The following ITSN2 variants were observed in gnomAD, a reference collection of about 807,000 sequenced individuals.
The protein encoded by ITSN2 is intersectin 2.
In ITSN2, 156 loss-of-function variants were observed where a neutral mutation model predicts 243.7. The observed-to-expected ratio is 0.64, with a 90% confidence interval of 0.56 to 0.73. ITSN2 has a LOEUF of 0.73. ITSN2 is among the 30% of genes least tolerant of loss of function. ITSN2 has a pLI of 0.00. For missense variants in ITSN2, 1,801 were observed against 1,996.1 expected (o/e 0.90, Z 1.86); for synonymous variants, 703 against 699.9 (o/e 1.00, Z -0.07).
chr2:24,317,103 G>A (rs937988297), intron 2 of ITSN2, among the ~76,000 whole-genome samples: 1 of 152,204 alleles, frequency 6.6e-6, no homozygotes, highest in Non-Finnish European at 1.5e-5. Flanking sequence ...GGCAGTGGCC[G>A]GGCGCGGTGG....
In ITSN2 at chr2:24,204,701, T is replaced by G; in HGVS notation, c.4763-283A>C. 1 of 563,840 alleles carries G rather than the reference T, an allele frequency of 1.8e-6. No individual in the cohort carries two copies. The allele number at this position is 563,840 out of a possible 1,614,324, so 34.9% of individuals were successfully genotyped here. On this transcript the variant is annotated intron_variant, in intron 38 of 39. Coordinates refer to ENST00000355123, the MANE Select transcript of ITSN2 (RefSeq NM_006277.3). The surrounding 1 kb of genome is among the most constrained non-coding windows in gnomAD (Gnocchi z 5.1). ...AGTGTCACTGCAACCTGCTGCATGC[T>G]TCCTCGGCGCAGACACACTCGGGAA... is the stretch of plus-strand genomic sequence containing the variant.
chr2:24,290,118 C>T (rs577122257), intron 15 of ITSN2, among the ~76,000 whole-genome samples: 7 of 152,276 alleles, frequency 4.6e-5, no homozygotes, highest in South Asian at 2.1e-4. Context: ...TTAATGCACA[C>T]TTTAAATTCT....
At chr2:24,307,873 T>C (rs1574252519) in intron 8 of ITSN2, among the ~76,000 whole-genome samples, 4 of 152,362 alleles carry the variant, frequency 2.6e-5, no homozygotes, top group South Asian at 4.1e-4. Flanking sequence ...AACTTTTTCA[T>C]GGAGCTTAAA....
chr2:24,237,088 T>C (rs1672248728), intron 29 of ITSN2, among the ~76,000 whole-genome samples: 1 of 152,146 alleles, frequency 6.6e-6, no homozygotes, highest in Admixed American at 6.5e-5. Flanking sequence ...GCTAACAGCA[T>C]GGACTTGGGA....
intron 1 of ITSN2, chr2:24,330,261 C>T (rs1685624747): frequency 2.8e-6 from 1 of 359,272 alleles, no homozygotes; most frequent in South Asian, 2.3e-5. Context: ...TTCGTCATCA[C>T]GTATTCTGTG....
chr2:24,290,669 C>A (rs1240424626), intron 15 of ITSN2, among the ~76,000 whole-genome samples: 2 of 152,182 alleles, frequency 1.3e-5, no homozygotes, highest in African/African-American at 4.8e-5. Context: ...AAGAGCTCCT[C>A]TGCAACTCTT....
chr2:24,359,765 G>C (rs1688780050), intron 1 of ITSN2, among the ~76,000 whole-genome samples: 1 of 152,172 alleles, frequency 6.6e-6, no homozygotes, highest in Admixed American at 6.5e-5. Context: ...AGGAACGCGA[G>C]CGGTAGACGC....
At chr2:24,253,430 C>T (rs2151334635) in intron 24 of ITSN2, among the ~76,000 whole-genome samples, 1 of 152,350 alleles carries the variant, frequency 6.6e-6, no homozygotes, top group South Asian at 2.1e-4. Context: ...TTCCACAGTA[C>T]ACCTATGATT....
At chr2:24,288,302 C>A (rs1440703030) in intron 15 of ITSN2, among the ~76,000 whole-genome samples, 1 of 152,012 alleles carries the variant, frequency 6.6e-6, no homozygotes, top group Non-Finnish European at 1.5e-5. Flanking sequence ...TCTTGATACC[C>A]TTGTCAAAAA....
At chr2:24,350,842 C>T (rs950225820) in intron 1 of ITSN2, among the ~76,000 whole-genome samples, 5 of 152,152 alleles carry the variant, frequency 3.3e-5, no homozygotes, top group African/African-American at 7.2e-5. Flanking sequence ...CTAGAGCTAG[C>T]GGTGTTGAGG....
chr2:24,285,654 T>C (rs1679406023), intron 16 of ITSN2, among the ~76,000 whole-genome samples: 1 of 152,234 alleles, frequency 6.6e-6, no homozygotes, highest in African/African-American at 2.4e-5. Context: ...GTGAATGATA[T>C]GCAGACAGTC....
At chr2:24,339,403 G>A (rs1212440964) in intron 1 of ITSN2, among the ~76,000 whole-genome samples, 3 of 150,870 alleles carry the variant, frequency 2.0e-5, no homozygotes, top group African/African-American at 4.9e-5. Flanking sequence ...CTTGGAAGGC[G>A]AAGGTTGCAG....
chr2:24,312,905 CAGAA>C (rs1191287683), intron 4 of ITSN2, among the ~76,000 whole-genome samples: 2 of 151,966 alleles, frequency 1.3e-5, no homozygotes, highest in Non-Finnish European at 2.9e-5. Flanking sequence ...TACAAAATAA[CAGAA>C]AGAGGATTTT....
At chr2:24,359,120 T>A (rs1413023841) in intron 1 of ITSN2, among the ~76,000 whole-genome samples, 1 of 152,208 alleles carries the variant, frequency 6.6e-6, no homozygotes, top group Non-Finnish European at 1.5e-5. Context: ...ATCAGAGTTG[T>A]CAGTATCTTT....
chr2:24,294,023 G>A (rs1435331804), intron 14 of ITSN2, among the ~76,000 whole-genome samples: 1 of 152,208 alleles, frequency 6.6e-6, no homozygotes, highest in African/African-American at 2.4e-5. Context: ...TAAATGGGGT[G>A]TGTCTAGAAG....
intron 1 of ITSN2, among the ~76,000 whole-genome samples, chr2:24,333,730 C>T (rs545143414): frequency 4.6e-5 from 7 of 152,036 alleles, no homozygotes; most frequent in Non-Finnish European, 8.8e-5. Context: ...AATTGCCAAA[C>T]GTACTTTAGA....
intron 22 of ITSN2, among the ~76,000 whole-genome samples, chr2:24,260,201 A>C (rs887540707): frequency 1.3e-5 from 2 of 152,150 alleles, no homozygotes; most frequent in Non-Finnish European, 2.9e-5. Flanking sequence ...GATTATAGGC[A>C]CTGAGTCACT....
In ITSN2 at chr2:24,270,781, C is replaced by A; in HGVS notation, c.2258-13G>T. ...CTAGCTGTCTCACCTAAAGAGAAGA[C>A]AATTGTCATTATTTGCAACTTACAT... is the stretch of plus-strand genomic sequence containing the variant. On this transcript the variant is annotated splice_polypyrimidine_tract_variant and intron_variant, in intron 19 of 39. Coordinates refer to ENST00000355123, the MANE Select transcript of ITSN2 (RefSeq NM_006277.3). 1 of 1,417,026 alleles carries A rather than the reference C, an allele frequency of 7.1e-7. No individual in the cohort carries two copies. The highest frequency in any genetic ancestry group is 9.9e-7 in the Non-Finnish European group (1 of 1,014,804). 87.8% of individuals were successfully genotyped at this position (1,417,026 alleles called of 1,614,324 possible).
At chr2:24,343,814 A>C (rs1413323017) in intron 1 of ITSN2, among the ~76,000 whole-genome samples, 1 of 152,168 alleles carries the variant, frequency 6.6e-6, no homozygotes, top group African/African-American at 2.4e-5. Flanking sequence ...ATTTCCTCTA[A>C]GCAATTTTCC....
Sources: gnomAD v4.1 joint callset for allele counts (sites outside exome capture counted in the v4.1 genomes callset) on GRCh38, gnomAD v4.1.1 for gene constraint, Gnocchi (gnomAD v3.1) non-coding constraint, MANE v1.5 for transcripts, NCBI Gene and HGNC (gene_info 2026-07-23, HGNC 2026-07-21) for gene names.